ACTR8: variants seen among roughly 807,000 people sequenced by gnomAD.
ACTR8 encodes actin-related protein 8.
ACTR8 carries 70 observed loss-of-function variants against 84.3 expected under a neutral mutation model. That is an observed-to-expected ratio of 0.83 (90% CI 0.68 to 1.01). ACTR8 has a LOEUF of 1.01. ACTR8 is among the 50% of genes least tolerant of loss of function. ACTR8 has a pLI of 0.00. For synonymous variants in ACTR8, 268 were observed against 275.2 expected, an observed-to-expected ratio of 0.97 and a Z score of 0.26; for missense variants, 672 against 775.4, an observed-to-expected ratio of 0.87 and a Z score of 1.58.
chr3:53,880,635 A>T (rs905593669), intron 1 of ACTR8, among the ~76,000 whole-genome samples: 3 of 152,064 alleles, frequency 2.0e-5, no homozygotes, highest in Admixed American at 6.5e-5. Flanking sequence ...AAGAGGTCAG[A>T]CTCTGTGGCT....
intron 7 of ACTR8, 46 bp from the exon 8 acceptor site, chr3:53,874,410 A>G: frequency 6.4e-7 from 1 of 1,573,594 alleles, no homozygotes. Flanking sequence ...TTGGTTAAGA[A>G]GGTGCAAAAG....
At chr3:53,860,532 T>C in the ACTR8 span, 1 of 234,876 alleles carries the variant, frequency 4.3e-6, no homozygotes, top group Non-Finnish European at 8.3e-6. Context: ...ACTTTACCTG[T>C]GATGGTTACT....
At chr3:53,878,257 T>G in intron 3 of ACTR8, 100 bp downstream of exon 3, 1 of 920,236 alleles carries the variant, frequency 1.1e-6, no homozygotes, top group Non-Finnish European at 1.7e-6. Flanking sequence ...TTTAAGGAAC[T>G]CCCATCTTGT....
Position 53,877,540 on chromosome 3 carries a change from G to C in ACTR8, c.510+107C>G, listed in dbSNP as rs1327125375. The C allele has an allele frequency of 2.3e-6, 3 of 1,332,092 alleles. No homozygotes were observed. The African/African-American group carries it at 4.4e-5, about 20-fold the overall frequency. 82.5% of individuals were successfully genotyped at this position (1,332,092 alleles called of 1,614,324 possible). A position where few individuals can be genotyped will look rare whatever the true frequency, so the allele number is the denominator to read the frequency against. ...TGTGACTATCTGGTACTCAAAGCAG[G>C]GTTATAGAACGCTAGGAAACAACTA... On this transcript the variant is annotated intron_variant, in intron 4 of 12. Transcript: ENST00000335754.
At position 53,881,908 on chromosome 3, in the gene ACTR8, C is replaced by T. The variant is rs1289012522; in HGVS notation, c.123+71G>A. 1.9e-6 allele frequency: 3 copies of T among 1,546,680 alleles called. No individual in the cohort carries two copies. In the African/African-American group the frequency reaches 4.1e-5, roughly 21 times the overall value. On this transcript the variant is annotated intron_variant, in intron 1 of 12. Transcript: ENST00000335754. ...AAGGGGGACTCGAAGCCTCCCGCCG[C>T]CTCCCGCCCCTTGCCTGGCAGCGGA... is the stretch of plus-strand genomic sequence containing the variant.
At chr3:53,878,608 G>T in intron 2 of ACTR8, 141 bp from the exon 3 acceptor site, 1 of 624,326 alleles carries the variant, frequency 1.6e-6, no homozygotes, top group Non-Finnish European at 2.8e-6. Context: ...CACATGTACT[G>T]CTCTTAAGAA....
At position 53,868,743 on chromosome 3, in the gene ACTR8, T is replaced by A; in HGVS notation, c.1851A>T (p.Arg617=). ...TTCACCACACAAACGCAGCCCGCTC[T>A]CGTAACATGCGGACACCAAAGCGCT... is the stretch of plus-strand genomic sequence containing the variant. ...EWQRFGVRML[R]ERAAFVW is the part of the protein sequence containing the mutation. The change falls in exon 13 of 13, where the codon CGA becomes CGT. Residue 617 remains arginine (R), a synonymous_variant. Coordinates refer to ENST00000335754, the MANE Select transcript of ACTR8 (RefSeq NM_022899.5). The A allele has an allele frequency of 6.2e-7, 1 of 1,614,222 alleles. No individual in the cohort carries two copies. Among genetic ancestry groups the A allele is most frequent in the Non-Finnish European group, 8.5e-7 (1 of 1,180,036 alleles).
chr3:53,862,627 C>T (rs1057150533), downstream of ACTR8, among the ~76,000 whole-genome samples: 2 of 152,142 alleles, frequency 1.3e-5, no homozygotes, highest in Non-Finnish European at 2.9e-5. Flanking sequence ...GAGAAGACAA[C>T]CTGCTGGAGA....
rs1409054264 is a variant in ACTR8, at chr3:53,874,119, C to T, written c.1065+92G>A. On this transcript the variant is annotated intron_variant, in intron 8 of 12. Transcript: ENST00000335754. ...GATTACAGGCATGAGCCACCGTGCCCAGCCAATGCTGTTACATTTTTAAGT... is the reference window on the plus strand; with the variant it reads ...GATTACAGGCATGAGCCACCGTGCCTAGCCAATGCTGTTACATTTTTAAGT... 2.9e-6 allele frequency: 4 copies of T among 1,402,084 alleles called. No individual in the cohort carries two copies. The African/African-American group carries it at 4.4e-5, about 15-fold the overall frequency. The allele number at this position is 1,402,084 out of a possible 1,614,324, so 86.9% of individuals were successfully genotyped here. A position where few individuals can be genotyped will look rare whatever the true frequency, so the allele number is the denominator to read the frequency against.
chr3:53,876,806 T>C (rs1372716677), intron 5 of ACTR8, 93 bp from the exon 6 acceptor site: 8 of 633,886 alleles, frequency 1.3e-5, no homozygotes, highest in Non-Finnish European at 2.2e-5. Context: ...TCCAAAGGAG[T>C]AGCAGCTACG....
rs1699988800 is a variant in ACTR8 at position 53,877,202 on chromosome 3, A to G, written c.684+12T>C. On this transcript the variant is annotated intron_variant, in intron 5 of 12. Coordinates refer to ENST00000335754, the MANE Select transcript of ACTR8 (RefSeq NM_022899.5). Reference sequence around the variant, plus strand: ...TTAAAAACAATCCAAATAACTGAGGATTTTAGCTCACCTTTAAATCTTTCA... The same window carrying G: ...TTAAAAACAATCCAAATAACTGAGGGTTTTAGCTCACCTTTAAATCTTTCA... 1 of 1,585,484 alleles carries G rather than the reference A, an allele frequency of 6.3e-7. No individual in the cohort carries two copies. Among genetic ancestry groups the G allele is most frequent in the East Asian group, 2.3e-5 (1 of 44,346 alleles).
In ACTR8 at chr3:53,868,174, C is replaced by G. The variant is rs1223977187; in HGVS notation, c.*545G>C. 1 of 121,202 alleles carries G rather than the reference C, an allele frequency of 8.3e-6. No homozygotes were observed. Among genetic ancestry groups the G allele is most frequent in the African/African-American group, 3.1e-5 (1 of 32,412 alleles). 7.5% of individuals were successfully genotyped at this position (121,202 alleles called of 1,614,324 possible). A position where few individuals can be genotyped will look rare whatever the true frequency, so the allele number is the denominator to read the frequency against. Reference sequence around the variant, plus strand: ...ATGGGTCCCATTCTTTTTCTGTAATCCAACAGAAAATGAAAAAAAAAACAA... The same window carrying G: ...ATGGGTCCCATTCTTTTTCTGTAATGCAACAGAAAATGAAAAAAAAAACAA... On this transcript the variant is annotated 3_prime_UTR_variant, in exon 13 of 13. Coordinates refer to ENST00000335754, the MANE Select transcript of ACTR8 (RefSeq NM_022899.5).
chr3:53,874,621 G>A (rs1699938738), intron 7 of ACTR8, among the ~76,000 whole-genome samples: 1 of 152,136 alleles, frequency 6.6e-6, no homozygotes, highest in South Asian at 2.1e-4. Flanking sequence ...CTACTCGGGA[G>A]GCTGAGGCAC....
Position 53,882,117 on chromosome 3 carries a change from C to T in ACTR8, c.-16G>A. ...CCTGGGTCATTATGGCCGGAGACAC[C>T]CACCAACCTCTCGCCTCAGCGCTGC... is the stretch of plus-strand genomic sequence containing the variant. On this transcript the variant is annotated 5_prime_UTR_variant, in exon 1 of 13. Transcript: ENST00000335754. 2 of 1,551,218 alleles carry T rather than the reference C, an allele frequency of 1.3e-6. No homozygotes were observed. The highest frequency in any genetic ancestry group is 1.7e-6 in the Non-Finnish European group (2 of 1,146,666).
At chr3:53,874,135 A>G in intron 8 of ACTR8, 76 bp downstream of exon 8, 1 of 1,499,506 alleles carries the variant, frequency 6.7e-7, no homozygotes, top group Non-Finnish European at 9.0e-7. Context: ...ATGCTGTTAC[A>G]TTTTTAAGTA....
downstream of ACTR8, chr3:53,864,696 A>C: frequency 1.5e-6 from 2 of 1,357,934 alleles, no homozygotes; most frequent in Middle Eastern, 1.8e-4. Flanking sequence ...ACAGAGTGAA[A>C]GCCTGCTGTT....
chr3:53,868,935 C>T, intron 12 of ACTR8, 73 bp from the exon 13 acceptor site: 1 of 1,538,906 alleles, frequency 6.5e-7, no homozygotes. Flanking sequence ...GAATATGGGG[C>T]CGAGAAAAAT....
chr3:53,881,754 C>G, intron 1 of ACTR8: 1 of 651,766 alleles, frequency 1.5e-6, no homozygotes, highest in South Asian at 1.9e-5. Flanking sequence ...GAGATCGGAG[C>G]GGTGTCCCTG....
At chr3:53,861,480 C>T in the ACTR8 span, 1 of 152,170 alleles carries the variant, frequency 6.6e-6, no homozygotes, top group Admixed American at 6.5e-5. Flanking sequence ...AAACCTTGCA[C>T]ATTTTGCAGA....
Sources: gnomAD v4.1 joint callset for allele counts (sites outside exome capture counted in the v4.1 genomes callset) on GRCh38, gnomAD v4.1.1 for gene constraint, MANE v1.5 for transcripts, NCBI Gene and HGNC (gene_info 2026-07-23, HGNC 2026-07-21) for gene names.